Variants in SLC30A7 observed in about 807,000 individuals in gnomAD.
The protein encoded by SLC30A7 is solute carrier family 30 member 7, also known as zinc transporter 7.
SLC30A7 carries 35 observed loss-of-function variants against 46.0 expected under a neutral mutation model. The ratio of observed to expected loss-of-function variants is 0.76; its 90% CI spans 0.58 to 1.01. SLC30A7 has a LOEUF of 1.01. SLC30A7 is among the 50% of genes least tolerant of loss of function. The probability of loss-of-function intolerance (pLI) is 0.00; values close to 1 mark genes in which losing one functional copy is unlikely to be tolerated. For missense variants in SLC30A7, 464 were observed against 451.1 expected (o/e 1.03, Z -0.26); for synonymous variants, 147 against 157.8 (o/e 0.93, Z 0.51).
intron 6 of SLC30A7, among the ~76,000 whole-genome samples, chr1:100,915,309 C>T (rs1652468390): frequency 6.7e-6 from 1 of 148,280 alleles, no homozygotes; most frequent in African/African-American, 2.5e-5. Flanking sequence ...ATAAGATCTA[C>T]ACTCTTGGCA....
rs557650221 is a variant in SLC30A7 at position 100,900,839 on chromosome 1, C to T, written c.182+4168C>T. Among the ~76,000 whole-genome samples the T allele has an allele frequency of 8.1e-4, 123 of 152,228 alleles. 1 individual carries two copies. Among genetic ancestry groups the T allele is most frequent in the African/African-American group, 2.7e-3 (114 of 41,556 alleles). On this transcript the variant is annotated intron_variant, in intron 2 of 10. Transcript: ENST00000357650. ...GATTCCTTATTTTCAATTTTGAACA[C>T]GTTTAACAAACAATATAAATATACC...
In SLC30A7 at chr1:100,914,150, G is replaced by A. The variant is rs115059836; in HGVS notation, c.655+344G>A. ...TAGGCATGTAATACATAGTAATCAC[G>A]TAAGGGTAAATGGGGTTTCCATTCC... On this transcript the variant is annotated intron_variant, in intron 6 of 10. Coordinates refer to ENST00000357650, the MANE Select transcript of SLC30A7 (RefSeq NM_133496.5). Among the ~76,000 whole-genome samples, 957 of 152,240 alleles carry A rather than the reference G, an allele frequency of 6.3e-3. 16 individuals are homozygous for A. The highest frequency in any genetic ancestry group is 0.02 in the African/African-American group (828 of 41,548).
intron 3 of SLC30A7, among the ~76,000 whole-genome samples, chr1:100,910,250 G>C (rs1651999019): frequency 2.0e-5 from 3 of 152,002 alleles, no homozygotes; most frequent in Admixed American, 6.6e-5. Context: ...ATTGCTGTTA[G>C]CACCCTTTGA....
chr1:100,989,155 C>T, the SLC30A7 span, among the ~76,000 whole-genome samples: 1 of 152,148 alleles, frequency 6.6e-6, no homozygotes, highest in South Asian at 2.1e-4. Context: ...TTATTTAATA[C>T]TAGTAAGAAG....
chr1:100,964,276 C>A (rs1655718243), intron 9 of SLC30A7, among the ~76,000 whole-genome samples: 1 of 145,748 alleles, frequency 6.9e-6, no homozygotes. Context: ...GTTATATAAC[C>A]TATAACATAT....
intron 8 of SLC30A7, among the ~76,000 whole-genome samples, chr1:100,961,144 G>A (rs368796561): frequency 6.6e-6 from 1 of 150,466 alleles, no homozygotes; most frequent in Non-Finnish European, 1.5e-5. Flanking sequence ...TGTATTTTTA[G>A]TGGAGACGGG....
chr1:100,987,102 T>TAAG, the SLC30A7 span, among the ~76,000 whole-genome samples: 1 of 152,234 alleles, frequency 6.6e-6, no homozygotes. Context: ...GGAACCTGGT[T>TAAG]AAGTTTAATT....
intron 8 of SLC30A7, among the ~76,000 whole-genome samples, chr1:100,951,507 C>G (rs527930933): frequency 6.6e-6 from 1 of 152,176 alleles, no homozygotes; most frequent in Non-Finnish European, 1.5e-5. Flanking sequence ...AAGAATGGAA[C>G]CCAACTTTTC....
intron 10 of SLC30A7, among the ~76,000 whole-genome samples, chr1:100,969,470 C>G (rs537588875): frequency 6.6e-6 from 1 of 152,264 alleles, no homozygotes; most frequent in Non-Finnish European, 1.5e-5. Context: ...AAAAGGAATG[C>G]AATTTCTAGT....
rs767110366 is a variant in SLC30A7, at chr1:100,974,831, G to A, written c.1105G>A (p.Val369Ile). The A allele has an allele frequency of 1.8e-5, 29 of 1,595,494 alleles. No individual in the cohort carries two copies. The highest frequency in any genetic ancestry group is 2.1e-5 in the Non-Finnish European group (25 of 1,167,680). ...TCAGGCTGGAGTGAGACAGCTCTAC[G>A]TACAGATTGACTTTGCAGCCATGTA... ...FTQAGVRQLY[V>I]QIDFAAM Residue 369 changes from valine (V) to isoleucine (I), a missense_variant, in exon 11 of 11, where the codon GTA becomes ATA. Coordinates refer to ENST00000357650, the MANE Select transcript of SLC30A7 (RefSeq NM_133496.5).
intron 8 of SLC30A7, among the ~76,000 whole-genome samples, chr1:100,949,784 T>C (rs1654860229): frequency 1.3e-5 from 2 of 152,208 alleles, no homozygotes; most frequent in South Asian, 4.1e-4. Context: ...GCACTAGCAG[T>C]GAGCAAGGCT....
intron 8 of SLC30A7, 70 bp downstream of exon 8, chr1:100,921,911 TCTAAA>T: frequency 7.7e-7 from 1 of 1,294,948 alleles, no homozygotes; most frequent in Non-Finnish European, 1.1e-6. Flanking sequence ...AAATTATAGG[TCTAAA>T]ATACAAATAA....
intron 8 of SLC30A7, among the ~76,000 whole-genome samples, chr1:100,944,942 C>T (rs1654543311): frequency 6.6e-6 from 1 of 152,144 alleles, no homozygotes; most frequent in South Asian, 2.1e-4. Context: ...ACAACCTCTC[C>T]AACATCTGTT....
rs146294773 is a variant in SLC30A7, at chr1:100,958,411, C to T, written c.843-3417C>T. On this transcript the variant is annotated intron_variant, in intron 8 of 10. Coordinates refer to ENST00000357650, the MANE Select transcript of SLC30A7 (RefSeq NM_133496.5). ...CAGGATGGTCTCGATCCCCTGACCT[C>T]ATGATCCACCCGCCTTGGCCTCCCA... 9.7e-3 allele frequency among the ~76,000 whole-genome samples: 1,474 copies of T among 152,292 alleles called. 19 individuals are homozygous for T. Among genetic ancestry groups the T allele is most frequent in the South Asian group, 0.065 (312 of 4,822 alleles).
At chr1:100,936,082 CTT>C (rs796365691) in intron 8 of SLC30A7, among the ~76,000 whole-genome samples, 1 of 145,760 alleles carries the variant, frequency 6.9e-6, no homozygotes, top group Admixed American at 6.8e-5. Context: ...TTTCATTTTT[CTT>C]TTTTTTTTTT....
intron 8 of SLC30A7, among the ~76,000 whole-genome samples, chr1:100,955,459 A>C (rs926061230): frequency 6.6e-5 from 10 of 152,074 alleles, no homozygotes; most frequent in Non-Finnish European, 1.3e-4. Flanking sequence ...TGGTAAACTC[A>C]TACCTAATGA....
intron 8 of SLC30A7, among the ~76,000 whole-genome samples, chr1:100,924,402 AC>A (rs1366266650): frequency 1.3e-5 from 2 of 151,288 alleles, no homozygotes; most frequent in East Asian, 1.9e-4. Flanking sequence ...TTCTTGCCAC[AC>A]CCCCCACCCC....
chr1:100,914,984 CAG>C (rs1422301146), intron 6 of SLC30A7, among the ~76,000 whole-genome samples: 1 of 151,764 alleles, frequency 6.6e-6, no homozygotes, highest in Non-Finnish European at 1.5e-5. Context: ...CATATGAAAA[CAG>C]ATAAATATTT....
chr1:100,932,639 T>C (rs1653727249), intron 8 of SLC30A7, among the ~76,000 whole-genome samples: 1 of 152,214 alleles, frequency 6.6e-6, no homozygotes, highest in East Asian at 1.9e-4. Flanking sequence ...TTGTTTGATA[T>C]GGGATTGCTT....
Sources: gnomAD v4.1 joint callset for allele counts (sites outside exome capture counted in the v4.1 genomes callset) on GRCh38, gnomAD v4.1.1 for gene constraint, MANE v1.5 for transcripts, NCBI Gene and HGNC (gene_info 2026-07-23, HGNC 2026-07-21) for gene names.